The following LIN28B variants were observed in gnomAD, a reference collection of about 807,000 sequenced individuals.
LIN28B encodes protein lin-28 homolog B.
Under a neutral mutation model 21.9 loss-of-function variants are expected in LIN28B, and 5 were observed. The ratio of observed to expected loss-of-function variants is 0.23; its 90% CI spans 0.12 to 0.48. The LOEUF (loss-of-function observed/expected upper bound fraction) is 0.48. LIN28B is among the 20% of genes least tolerant of loss of function. LIN28B has a pLI of 0.98. For synonymous variants in LIN28B, 109 were observed against 111.3 expected (o/e 0.98, Z 0.13); for missense variants, 245 against 310.5 (o/e 0.79, Z 1.58).
chr6:105,043,414 T>C (rs1000274816), intron 3 of LIN28B, among the ~76,000 whole-genome samples: 1 of 131,606 alleles, frequency 7.6e-6, no homozygotes, highest in Non-Finnish European at 1.6e-5. Flanking sequence ...AGAAAACACA[T>C]GAGTAAAACT....
chr6:105,009,461 G>T (rs2114305670), intron 2 of LIN28B, among the ~76,000 whole-genome samples: 1 of 152,178 alleles, frequency 6.6e-6, no homozygotes, highest in Non-Finnish European at 1.5e-5. Flanking sequence ...TTTTTGGGGG[G>T]GAGGCGTGTT....
rs559844386 is a variant in LIN28B at position 105,078,988 on chromosome 6, T to C, written c.*205T>C. On this transcript the variant is annotated 3_prime_UTR_variant, in exon 4 of 4. Coordinates refer to ENST00000345080, the MANE Select transcript of LIN28B (RefSeq NM_001004317.4). Reference sequence around the variant, plus strand: ...TTTTATGTTAATTCAGAGAATAAGATACTATGTCTGTCAATATGTGCATGT... The same window carrying C: ...TTTTATGTTAATTCAGAGAATAAGACACTATGTCTGTCAATATGTGCATGT... 1.6e-5 allele frequency: 9 copies of C among 565,104 alleles called. No individual in the cohort carries two copies. The highest frequency in any genetic ancestry group is 1.4e-4 in the South Asian group (6 of 43,432). The allele number at this position is 565,104 out of a possible 1,614,324, so 35.0% of individuals were successfully genotyped here. A position where few individuals can be genotyped will look rare whatever the true frequency, so the allele number is the denominator to read the frequency against.
intron 3 of LIN28B, among the ~76,000 whole-genome samples, chr6:105,075,850 A>C (rs953761435): frequency 1.3e-5 from 2 of 152,182 alleles, no homozygotes; most frequent in Admixed American, 6.5e-5. Context: ...CAGCCCTATT[A>C]CTGAAGCCTT....
intron 2 of LIN28B, among the ~76,000 whole-genome samples, chr6:104,995,580 A>C (rs528582764): frequency 1.3e-5 from 2 of 152,298 alleles, no homozygotes; most frequent in South Asian, 4.2e-4. Flanking sequence ...GTGAAATAGA[A>C]AATGTAGAGT....
upstream of LIN28B, among the ~76,000 whole-genome samples, chr6:104,953,045 G>T (rs1778238631): frequency 6.6e-6 from 1 of 152,250 alleles, no homozygotes; most frequent in African/African-American, 2.4e-5. Context: ...GGAATGTCAA[G>T]AAAGTTACCG....
chr6:104,992,605 A>T (rs1354585597), intron 2 of LIN28B, among the ~76,000 whole-genome samples: 21 of 151,806 alleles, frequency 1.4e-4, no homozygotes, highest in Admixed American at 1.4e-3. Context: ...TCCCAGGCTC[A>T]AGCGATCCTT....
intron 2 of LIN28B, among the ~76,000 whole-genome samples, chr6:104,992,130 C>T (rs1454166143): frequency 1.3e-5 from 2 of 151,528 alleles, no homozygotes; most frequent in Admixed American, 6.6e-5. Flanking sequence ...CATGCGATCT[C>T]GGCTCACCGT....
intron 3 of LIN28B, among the ~76,000 whole-genome samples, chr6:105,027,664 TG>T (rs1562098141): frequency 6.6e-6 from 1 of 152,036 alleles, no homozygotes; most frequent in Non-Finnish European, 1.5e-5. Context: ...TGACTCTCCT[TG>T]ATGTTACCTG....
intron 3 of LIN28B, among the ~76,000 whole-genome samples, chr6:105,075,959 CTTTAA>C (rs566574175): frequency 1.2e-3 from 190 of 152,240 alleles, no homozygotes; most frequent in African/African-American, 4.0e-3. Context: ...AGATGGGCAA[CTTTAA>C]TTTAAGAATT....
At chr6:104,993,156 ATATTAATAT>A (rs1223188789) in intron 2 of LIN28B, among the ~76,000 whole-genome samples, 3 of 152,144 alleles carry the variant, frequency 2.0e-5, no homozygotes, top group African/African-American at 7.2e-5. Flanking sequence ...TTATGTGTTT[ATATTAATAT>A]TATTAAGACT....
intron 2 of LIN28B, among the ~76,000 whole-genome samples, chr6:105,007,409 A>G (rs542359700): frequency 7.2e-5 from 11 of 152,324 alleles, no homozygotes; most frequent in Non-Finnish European, 1.3e-4. Flanking sequence ...AATGTTTAAT[A>G]ACTGCTTGCA....
At chr6:104,994,693 G>A (rs1446314400) in intron 2 of LIN28B, among the ~76,000 whole-genome samples, 2 of 152,174 alleles carry the variant, frequency 1.3e-5, no homozygotes, top group African/African-American at 4.8e-5. Context: ...AACAGAGAAG[G>A]CATTACATTC....
intron 2 of LIN28B, among the ~76,000 whole-genome samples, chr6:104,959,508 T>G (rs1769680016): frequency 6.6e-6 from 1 of 152,226 alleles, no homozygotes; most frequent in Non-Finnish European, 1.5e-5. Context: ...TCTGTTGTCC[T>G]GTGGTGCTTG....
chr6:104,991,903 C>G (rs1288501902), intron 2 of LIN28B, among the ~76,000 whole-genome samples: 3 of 151,610 alleles, frequency 2.0e-5, no homozygotes, highest in Non-Finnish European at 4.4e-5. Flanking sequence ...CGCAGGCACT[C>G]GCAGGCTGAG....
At chr6:105,020,635 T>C (rs1264202838) in intron 2 of LIN28B, among the ~76,000 whole-genome samples, 1 of 151,702 alleles carries the variant, frequency 6.6e-6, no homozygotes, top group Non-Finnish European at 1.5e-5. Flanking sequence ...CCAATATTTT[T>C]ATAATTCTTA....
At chr6:105,061,465 G>T (rs973342406) in intron 3 of LIN28B, among the ~76,000 whole-genome samples, 3 of 151,918 alleles carry the variant, frequency 2.0e-5, no homozygotes, top group African/African-American at 4.8e-5. Context: ...CTTGTAAAGA[G>T]AAAAATATTT....
At chr6:105,033,736 T>C (rs1477928763) in intron 3 of LIN28B, among the ~76,000 whole-genome samples, 2 of 151,898 alleles carry the variant, frequency 1.3e-5, no homozygotes, top group African/African-American at 4.8e-5. Flanking sequence ...AGAAATGTTA[T>C]ATTTCTTCTA....
chr6:105,068,028 G>T lies in LIN28B; in HGVS notation c.384-10386G>T, dbSNP rs567790800. On this transcript the variant is annotated intron_variant, in intron 3 of 3. Transcript: ENST00000345080. ...TCTTACCTTCTTGTTTTTATAAGAT[G>T]ATGAAAGGTTTGTGAATAGAGCTAT... Among the ~76,000 whole-genome samples the T allele has an allele frequency of 2.4e-3, 364 of 152,202 alleles. 1 individual carries two copies. Among genetic ancestry groups the T allele is most frequent in the African/African-American group, 8.5e-3 (351 of 41,508 alleles).
At chr6:104,943,787 A>C (rs1778125089) in intron 2 of LIN28B, among the ~76,000 whole-genome samples, 1 of 152,126 alleles carries the variant, frequency 6.6e-6, no homozygotes, top group Admixed American at 6.5e-5. Context: ...TTTTTGATGA[A>C]CCACAAAGTA....
Sources: gnomAD v4.1 joint callset for allele counts (sites outside exome capture counted in the v4.1 genomes callset) on GRCh38, gnomAD v4.1.1 for gene constraint, MANE v1.5 for transcripts, NCBI Gene and HGNC (gene_info 2026-07-23, HGNC 2026-07-21) for gene names.